Variants in COL18A1 observed in about 807,000 individuals in gnomAD.
COL18A1 encodes collagen alpha-1(XVIII) chain.
COL18A1 carries 133 observed loss-of-function variants against 168.0 expected under a neutral mutation model. That is an observed-to-expected ratio of 0.79 (90% confidence interval 0.69 to 0.91). COL18A1 has a LOEUF of 0.91. Among genes scored for constraint, COL18A1 ranks in the 40% least tolerant of loss-of-function variants. COL18A1 has a pLI of 0.00. For synonymous variants in COL18A1, 949 were observed against 809.0 expected, an observed-to-expected ratio of 1.17 and a Z score of -2.94; for missense variants, 2,126 against 1,925.4, an observed-to-expected ratio of 1.10 and a Z score of -1.95.
chr21:45,426,842 G>A (rs1003951218), intron 2 of COL18A1, among the ~76,000 whole-genome samples: 1 of 152,220 alleles, frequency 6.6e-6, no homozygotes, highest in Non-Finnish European at 1.5e-5. Flanking sequence ...GGCCTTGGAG[G>A]GTACCCATGC....
intron 34 of COL18A1, 49 bp from the exon 35 acceptor site, chr21:45,505,083 CCA>C: frequency 6.3e-7 from 1 of 1,589,648 alleles, no homozygotes; most frequent in Non-Finnish European, 8.5e-7. Context: ...TTGCCCGCCC[CCA>C]GTCCAGGGCA....
chr21:45,489,151 T>G (rs564304828), intron 18 of COL18A1, among the ~76,000 whole-genome samples: 61 of 152,328 alleles, frequency 4.0e-4, no homozygotes, highest in Admixed American at 7.8e-4. Flanking sequence ...ATCGGGACAC[T>G]CAAAAGGCTG....
intron 20 of COL18A1, 21 bp downstream of exon 20, chr21:45,490,367 C>T (rs1416923367): frequency 6.5e-7 from 1 of 1,545,914 alleles, no homozygotes; most frequent in Non-Finnish European, 8.8e-7. Flanking sequence ...TTGGTGGGCC[C>T]AGGGTGCAGG....
At chr21:45,454,330 G>A (rs1000895135) in intron 2 of COL18A1, among the ~76,000 whole-genome samples, 7 of 152,234 alleles carry the variant, frequency 4.6e-5, no homozygotes, top group Admixed American at 3.3e-4. Flanking sequence ...GGGCTGTTTC[G>A]TCACAGCTGC....
chr21:45,437,412 T>A (rs200511794), intron 2 of COL18A1, among the ~76,000 whole-genome samples: 24 of 25,594 alleles, frequency 9.4e-4, no homozygotes, highest in East Asian at 2.6e-3. Flanking sequence ...ACACTCACAC[T>A]CAGACACACA....
In COL18A1 at chr21:45,423,551, G is replaced by T. The variant is rs77700408; in HGVS notation, c.106+18078G>T. Reference sequence around the variant, plus strand: ...GGTCATATGAGTGGATCTGGAGGTCGGCCTCTCTTGAATCCCAGCCTCCTC... The same window carrying T: ...GGTCATATGAGTGGATCTGGAGGTCTGCCTCTCTTGAATCCCAGCCTCCTC... On this transcript the variant is annotated intron_variant, in intron 2 of 41. Transcript: ENST00000651438. This position sits in a 1 kb window ranked among gnomAD's most constrained non-coding sequence, Gnocchi z 4.0. Among the ~76,000 whole-genome samples the T allele has an allele frequency of 0.012, 1,870 of 150,914 alleles. 34 individuals carry two copies. Among genetic ancestry groups the T allele is most frequent in the African/African-American group, 0.043 (1,750 of 41,128 alleles).
At chr21:45,449,173 G>A (rs893789746) in intron 2 of COL18A1, among the ~76,000 whole-genome samples, 5 of 152,216 alleles carry the variant, frequency 3.3e-5, no homozygotes, top group Admixed American at 1.3e-4. Flanking sequence ...TGTCTCTGGC[G>A]GCCTTCCCAA....
chr21:45,476,855 G>C (rs1053342951), intron 6 of COL18A1, among the ~76,000 whole-genome samples: 34 of 151,498 alleles, frequency 2.2e-4, no homozygotes, highest in African/African-American at 7.0e-4. Flanking sequence ...TGTGTAGTGT[G>C]CGTATTGTGT....
At chr21:45,415,031 G>A (rs776927437) in intron 2 of COL18A1, among the ~76,000 whole-genome samples, 1 of 152,186 alleles carries the variant, frequency 6.6e-6, no homozygotes. Context: ...GGACCCCTGC[G>A]GGCACCGTGA....
At chr21:45,439,571 G>A (rs1233742958) in intron 2 of COL18A1, among the ~76,000 whole-genome samples, 3 of 147,674 alleles carry the variant, frequency 2.0e-5, no homozygotes. Flanking sequence ...GGCTCCCCCT[G>A]GCGGCCGGTC....
chr21:45,484,802 A>G (rs996092095), intron 15 of COL18A1, among the ~76,000 whole-genome samples: 17 of 152,228 alleles, frequency 1.1e-4, no homozygotes, highest in African/African-American at 1.7e-4. Flanking sequence ...ACACGTACAC[A>G]TGTAGGCTTT....
At chr21:45,405,526 G>A in intron 2 of COL18A1, 53 bp downstream of exon 2, 1 of 1,154,860 alleles carries the variant, frequency 8.7e-7, no homozygotes, top group Non-Finnish European at 1.1e-6. Flanking sequence ...CGGCCTCGCC[G>A]CCCTGGCTGG....
intron 8 of COL18A1, 53 bp from the exon 9 acceptor site, chr21:45,478,274 G>A: frequency 6.2e-7 from 1 of 1,612,426 alleles, no homozygotes; most frequent in Non-Finnish European, 8.5e-7. Context: ...GACACTGTAG[G>A]TGGCGCCGGA....
At chr21:45,456,767 G>A (rs757921321) in intron 2 of COL18A1, 118 of 1,541,886 alleles carry the variant, frequency 7.7e-5, no homozygotes, top group East Asian at 1.7e-4. Context: ...CCAGTTCTGC[G>A]AGGCCCTGCA....
In COL18A1 at chr21:45,487,632, G is replaced by A. The variant is rs746249216; in HGVS notation, c.1896+123G>A. 12 of 1,281,638 alleles carry A rather than the reference G, an allele frequency of 9.4e-6. No individual in the cohort carries two copies. In the South Asian group the frequency reaches 1.3e-4, roughly 14 times the overall value. 79.4% of individuals were successfully genotyped at this position (1,281,638 alleles called of 1,614,324 possible). ...CGGAAGCCGCCCTGCAGAGCCGTGA[G>A]GACCACGTGTGGCGGGCGCTGTGCC... On this transcript the variant is annotated intron_variant, in intron 17 of 41. Coordinates refer to ENST00000651438, the MANE Select transcript of COL18A1 (RefSeq NM_001379500.1).
intron 3 of COL18A1, among the ~76,000 whole-genome samples, chr21:45,470,289 T>TTTATGTTC (rs2035363774): frequency 6.6e-6 from 1 of 152,182 alleles, no homozygotes; most frequent in Admixed American, 6.5e-5. Flanking sequence ...GACTGACCGG[T>TTTATGTTC]TTATGTTCTT....
Position 45,491,270 on chromosome 21 carries a change from C to T in COL18A1, c.2113C>T (p.Pro705Ser), listed in dbSNP as rs765760874. Residue 705 changes from proline to serine, a missense_variant, in exon 22 of 42, where the codon CCC becomes TCC. Transcript: ENST00000651438. ...AGTCGGGCAGCCGGGCCTCCCTGGCCCCCCCGGACCCCCGGGACCTGTGGT... is the reference window on the plus strand; with the variant it reads ...AGTCGGGCAGCCGGGCCTCCCTGGCTCCCCCGGACCCCCGGGACCTGTGGT... The part of the protein sequence containing the change: ...DGVGQPGLPG[P>S]PGPPGPVVYV... 2.5e-6 allele frequency: 4 copies of T among 1,612,222 alleles called. No individual in the cohort carries two copies. The highest frequency in any genetic ancestry group is 2.2e-5 in the South Asian group (2 of 91,008).
In COL18A1 at chr21:45,487,456, G is replaced by A. The variant is rs1349278100; in HGVS notation, c.1843G>A (p.Glu615Lys). The change falls in exon 17 of 42, where the codon GAA (glutamate) becomes AAA (lysine). Residue 615 changes from glutamate to lysine, a missense_variant. Transcript: ENST00000651438. ...PGLPAGFDDMEGSGGPFWSTA... is the reference protein window; with the variant it reads ...PGLPAGFDDMKGSGGPFWSTA... ...CGTGTGTCTCTTCCAGGATGACATGGAAGGCTCCGGGGGGCCCTTCTGGTC... is the reference window on the plus strand; with the variant it reads ...CGTGTGTCTCTTCCAGGATGACATGAAAGGCTCCGGGGGGCCCTTCTGGTC... 6.2e-7 allele frequency: 1 copy of A among 1,613,014 alleles called. No homozygotes were observed. The highest frequency in any genetic ancestry group is 8.5e-7 in the Non-Finnish European group (1 of 1,179,986).
intron 15 of COL18A1, among the ~76,000 whole-genome samples, chr21:45,483,077 G>A (rs1051863113): frequency 6.6e-6 from 1 of 152,274 alleles, no homozygotes; most frequent in Non-Finnish European, 1.5e-5. Context: ...CCGGTGAACT[G>A]AGAGTAGACG....
Sources: allele counts gnomAD v4.1 joint callset (sites outside exome capture counted in the v4.1 genomes callset), GRCh38; gene constraint gnomAD v4.1.1; non-coding constraint Gnocchi (gnomAD v3.1); transcripts MANE v1.5; gene names NCBI Gene and HGNC (gene_info 2026-07-23, HGNC 2026-07-21).